Variants in FSTL5 observed in about 807,000 individuals in gnomAD.
FSTL5 encodes the protein follistatin-related protein 5.
FSTL5 carries 62 observed loss-of-function variants against 89.1 expected under a neutral mutation model. The observed-to-expected ratio is 0.70, with a 90% CI of 0.57 to 0.86. The LOEUF is 0.86. FSTL5 is among the 40% of genes least tolerant of loss of function. The pLI, the probability that FSTL5 is intolerant of heterozygous loss-of-function variation, is 0.00. For synonymous variants in FSTL5, 383 were observed against 346.2 expected (o/e 1.11, Z -1.18); for missense variants, 1,057 against 1,001.6 (o/e 1.06, Z -0.75).
At chr4:162,112,386 G>C (rs1357622068) in intron 1 of FSTL5, among the ~76,000 whole-genome samples, 3 of 152,114 alleles carry the variant, frequency 2.0e-5, no homozygotes, top group African/African-American at 7.2e-5. Flanking sequence ...AGAATGGCAA[G>C]CGTGTGCCAT....
chr4:162,072,209 AATAAGGAAC>A (rs1463319144), intron 2 of FSTL5, among the ~76,000 whole-genome samples: 1 of 151,844 alleles, frequency 6.6e-6, no homozygotes, highest in African/African-American at 2.4e-5. Context: ...ATACACAGTT[AATAAGGAAC>A]ATCTAATCAG....
chr4:161,521,542 T>C (rs1731021153), intron 10 of FSTL5, among the ~76,000 whole-genome samples: 1 of 152,014 alleles, frequency 6.6e-6, no homozygotes, highest in South Asian at 2.1e-4. Context: ...CATCAATATC[T>C]AAGCCTGGTT....
chr4:161,461,584 C>T (rs1258066580), intron 13 of FSTL5, among the ~76,000 whole-genome samples: 4 of 150,854 alleles, frequency 2.7e-5, no homozygotes, highest in Admixed American at 6.6e-5. Context: ...CATAGAACAG[C>T]TATTCCCAGA....
chr4:161,817,591 T>C (rs1386162411), intron 4 of FSTL5, among the ~76,000 whole-genome samples: 1 of 152,222 alleles, frequency 6.6e-6, no homozygotes, highest in Non-Finnish European at 1.5e-5. Flanking sequence ...CAGCAATTCT[T>C]AGCAGTTTTA....
chr4:161,476,314 A>G (rs1471762662), intron 13 of FSTL5, among the ~76,000 whole-genome samples: 1 of 151,350 alleles, frequency 6.6e-6, no homozygotes, highest in East Asian at 2.0e-4. Flanking sequence ...CAGCCTCCCA[A>G]GTAGCCGGGA....
chr4:161,919,698 AT>A (rs1320216655), intron 4 of FSTL5, among the ~76,000 whole-genome samples: 2 of 152,208 alleles, frequency 1.3e-5, no homozygotes, highest in Non-Finnish European at 2.9e-5. Flanking sequence ...AAACGAGAAA[AT>A]ATTTCCAACA....
At chr4:162,127,444 C>T (rs891962660) in intron 1 of FSTL5, among the ~76,000 whole-genome samples, 1 of 152,152 alleles carries the variant, frequency 6.6e-6, no homozygotes, top group African/African-American at 2.4e-5. Flanking sequence ...ATGAATCAAA[C>T]ATTAACTATT....
chr4:161,865,787 C>CAAT (rs1432083436), intron 4 of FSTL5, among the ~76,000 whole-genome samples: 2 of 134,876 alleles, frequency 1.5e-5, no homozygotes, highest in East Asian at 4.4e-4. Flanking sequence ...TCTAGAATAG[C>CAAT]AATAAAAAAA....
chr4:162,077,516 T>G (rs1273511892), intron 2 of FSTL5, among the ~76,000 whole-genome samples: 1 of 151,850 alleles, frequency 6.6e-6, no homozygotes, highest in African/African-American at 2.4e-5. Context: ...TTCTTACTCC[T>G]CAGTGTCAGA....
At chr4:162,041,177 G>T (rs545117849) in intron 2 of FSTL5, among the ~76,000 whole-genome samples, 78 of 99,110 alleles carry the variant, frequency 7.9e-4, no homozygotes, top group African/African-American at 2.7e-3. Context: ...GGGAACTGAA[G>T]AATTTATAGA....
At chr4:162,058,250 G>A (rs2111274305) in intron 2 of FSTL5, among the ~76,000 whole-genome samples, 1 of 152,082 alleles carries the variant, frequency 6.6e-6, no homozygotes, top group East Asian at 1.9e-4. Flanking sequence ...ATTTCTAAGA[G>A]TTAGGGACAA....
At chr4:161,675,845 T>C (rs1405831903) in intron 6 of FSTL5, among the ~76,000 whole-genome samples, 1 of 152,064 alleles carries the variant, frequency 6.6e-6, no homozygotes. Context: ...ATAATAAAAG[T>C]CATATTTTTG....
intron 3 of FSTL5, among the ~76,000 whole-genome samples, chr4:161,947,677 T>C (rs1734772927): frequency 6.6e-6 from 1 of 152,146 alleles, no homozygotes. Flanking sequence ...TTCTTCATTA[T>C]ATGTTTTTCA....
At chr4:161,610,742 T>C (rs1256664770) in intron 7 of FSTL5, among the ~76,000 whole-genome samples, 5 of 151,684 alleles carry the variant, frequency 3.3e-5, no homozygotes, top group Admixed American at 2.0e-4. Context: ...GACACATTGA[T>C]ATGAAATTGT....
Position 161,722,349 on chromosome 4 carries a change from T to C in FSTL5, c.727+37062A>G, listed in dbSNP as rs1172886625. Reference sequence around the variant, plus strand: ...TTTTAATTAATTCACAACATGGATCTGATTCAAAATAAAGAGTTAGGTCAT... The same window carrying C: ...TTTTAATTAATTCACAACATGGATCCGATTCAAAATAAAGAGTTAGGTCAT... On this transcript the variant is annotated intron_variant, in intron 6 of 15. Coordinates refer to ENST00000306100, the MANE Select transcript of FSTL5 (RefSeq NM_020116.5). 5.9e-5 allele frequency among the ~76,000 whole-genome samples: 9 copies of C among 152,318 alleles called. No individual in the cohort carries two copies. In the East Asian group the frequency reaches 1.7e-3, roughly 29 times the overall value.
At chr4:161,914,538 G>T (rs1193151448) in intron 4 of FSTL5, among the ~76,000 whole-genome samples, 1 of 151,992 alleles carries the variant, frequency 6.6e-6, no homozygotes, top group African/African-American at 2.4e-5. Flanking sequence ...AAATTAACCT[G>T]CATAAATCAT....
At chr4:162,006,746 T>C (rs530712865) in intron 3 of FSTL5, among the ~76,000 whole-genome samples, 19 of 152,018 alleles carry the variant, frequency 1.2e-4, no homozygotes, top group Admixed American at 1.0e-3. Flanking sequence ...GCTTTGACAA[T>C]TATCAGTTAA....
At chr4:161,554,744 C>T (rs985820719) in intron 8 of FSTL5, among the ~76,000 whole-genome samples, 24 of 151,554 alleles carry the variant, frequency 1.6e-4, no homozygotes, top group African/African-American at 5.6e-4. Context: ...TGCAACTGTT[C>T]GAAAAGGTTC....
At chr4:162,012,444 T>A (rs1736796141) in intron 3 of FSTL5, among the ~76,000 whole-genome samples, 1 of 152,194 alleles carries the variant, frequency 6.6e-6, no homozygotes, top group Non-Finnish European at 1.5e-5. Flanking sequence ...AAACATGGAT[T>A]ATTACTGAAT....
Sources: gnomAD v4.1 joint callset for allele counts (sites outside exome capture counted in the v4.1 genomes callset) on GRCh38, gnomAD v4.1.1 for gene constraint, MANE v1.5 for transcripts, NCBI Gene and HGNC (gene_info 2026-07-23, HGNC 2026-07-21) for gene names.